Variants in KCNV1 observed in about 807,000 individuals in gnomAD.
KCNV1 encodes the protein potassium voltage-gated channel subfamily V member 1.
Under a neutral mutation model 36.4 loss-of-function variants are expected in KCNV1, and 2 were observed. The ratio of observed to expected loss-of-function variants is 0.05; its 90% CI spans 0.02 to 0.17. The LOEUF (loss-of-function observed/expected upper bound fraction) is 0.17, where lower values mean the gene tolerates loss of function less well. Among genes scored for constraint, KCNV1 ranks in the 10% least tolerant of loss-of-function variants. The probability of loss-of-function intolerance (pLI) is 1.00; values close to 1 mark genes in which losing one functional copy is unlikely to be tolerated. For missense variants in KCNV1, 321 were observed against 643.6 expected (o/e 0.50, Z 5.42); for synonymous variants, 280 against 261.1 (o/e 1.07, Z -0.70).
intron 3 of KCNV1, among the ~76,000 whole-genome samples, chr8:109,971,939 C>A (rs895053854): frequency 6.6e-6 from 1 of 152,084 alleles, no homozygotes; most frequent in East Asian, 1.9e-4. Context: ...TTGTCCAGAA[C>A]CTTGAATAGG....
At position 109,974,518 on chromosome 8, in the gene KCNV1, T is replaced by C; in HGVS notation, c.-130A>G. 1 of 662,812 alleles carries C rather than the reference T, an allele frequency of 1.5e-6. No homozygotes were observed. Among genetic ancestry groups the C allele is most frequent in the East Asian group, 2.8e-5 (1 of 36,100 alleles). 41.1% of individuals were successfully genotyped at this position (662,812 alleles called of 1,614,324 possible). On this transcript the variant is annotated 5_prime_UTR_variant, in exon 2 of 4. Coordinates refer to ENST00000524391, the MANE Select transcript of KCNV1 (RefSeq NM_014379.4). This position sits in a 1 kb window ranked among gnomAD's most constrained non-coding sequence, Gnocchi z 6.2. ...TCCCCGGGCTCCCGAAGGGGTTACCTCTCCTTGGCGCACCCTCTCCACCCG... is the reference window on the plus strand; with the variant it reads ...TCCCCGGGCTCCCGAAGGGGTTACCCCTCCTTGGCGCACCCTCTCCACCCG...
Position 109,968,516 on chromosome 8 carries a change from T to C in KCNV1, c.1075A>G (p.Ile359Val). The C allele has an allele frequency of 1.2e-6, 2 of 1,612,172 alleles. No homozygotes were observed. The highest frequency in any genetic ancestry group is 1.7e-6 in the Non-Finnish European group (2 of 1,178,318). Reference protein sequence around the residue: ...LLLFLSVGISIFSTVEYFAEQ... With the variant: ...LLLFLSVGISVFSTVEYFAEQ... ...GCAAAGTATTCTACAGTTGAAAATATAGAGATTCCCACGGATAGAAATAGG... is the reference window on the plus strand; with the variant it reads ...GCAAAGTATTCTACAGTTGAAAATACAGAGATTCCCACGGATAGAAATAGG... Residue 359 changes from isoleucine to valine, a missense_variant, in exon 4 of 4, where the codon ATA (isoleucine) becomes GTA (valine). Physicochemically the swap from Ile to Val is conservative, Grantham distance 29. This residue lies in a region of KCNV1 where 36 missense variants were observed against 130.5 expected (regional missense o/e 0.28). Transcript: ENST00000524391. This position sits in a 1 kb window ranked among gnomAD's most constrained non-coding sequence, Gnocchi z 5.3.
chr8:109,973,876 T>C, intron 2 of KCNV1, 52 bp downstream of exon 2: 1 of 1,288,328 alleles, frequency 7.8e-7, no homozygotes, highest in Non-Finnish European at 1.0e-6. Context: ...CCTTCCTCTC[T>C]TTCTCTGCCG....
intron 2 of KCNV1, among the ~76,000 whole-genome samples, chr8:109,973,485 A>G (rs1182399093): frequency 1.3e-5 from 2 of 152,170 alleles, no homozygotes; most frequent in African/African-American, 4.8e-5. Context: ...CAATCATTCA[A>G]TCAAGGGACC....
rs184605815 is a variant in KCNV1, at chr8:109,964,041, C to A, written c.*4047G>T. The A allele has an allele frequency of 1.8e-4, 28 of 151,984 alleles. No individual in the cohort carries two copies. The highest frequency in any genetic ancestry group is 5.8e-4 in the African/African-American group (24 of 41,482). 9.4% of individuals were successfully genotyped at this position (151,984 alleles called of 1,614,324 possible). On this transcript the variant is annotated 3_prime_UTR_variant, in exon 4 of 4. Coordinates refer to ENST00000524391, the MANE Select transcript of KCNV1 (RefSeq NM_014379.4). Reference sequence around the variant, plus strand: ...CTAGAGCTTTGTCAGAGCAAAGGAACCTATCAACAGAGTGAACAGACAACC... The same window carrying A: ...CTAGAGCTTTGTCAGAGCAAAGGAAACTATCAACAGAGTGAACAGACAACC...
In KCNV1 at chr8:109,968,466, G is replaced by T. The variant is rs369718179; in HGVS notation, c.1125C>A (p.Thr375=). Residue 375 remains threonine, a synonymous_variant, in exon 4 of 4, where the codon ACC becomes ACA. Transcript: ENST00000524391. The surrounding 1 kb of genome is among the most constrained non-coding windows in gnomAD (Gnocchi z 5.3). ...YFAEQSIPDT[T]FTSVPCAWWW... ...ACCATGCACAAGGGACACTTGTGAAGGTTGTGTCAGGAATGCTTTGCTCAG... is the reference window on the plus strand; with the variant it reads ...ACCATGCACAAGGGACACTTGTGAATGTTGTGTCAGGAATGCTTTGCTCAG... 2 of 1,614,014 alleles carry T rather than the reference G, an allele frequency of 1.2e-6. No homozygotes were observed. Among genetic ancestry groups the T allele is most frequent in the Non-Finnish European group, 1.7e-6 (2 of 1,179,894 alleles).
Position 109,964,730 on chromosome 8 carries a change from C to G in KCNV1, c.*3358G>C, listed in dbSNP as rs920844408. Reference sequence around the variant, plus strand: ...GCTGGAGGCTATTATCCTTAGCAAACTAATGCAGGAAGAGAAAACCAAATA... The same window carrying G: ...GCTGGAGGCTATTATCCTTAGCAAAGTAATGCAGGAAGAGAAAACCAAATA... On this transcript the variant is annotated 3_prime_UTR_variant, in exon 4 of 4. Coordinates refer to ENST00000524391, the MANE Select transcript of KCNV1 (RefSeq NM_014379.4). The G allele has an allele frequency of 1.3e-5, 2 of 152,088 alleles. No individual in the cohort carries two copies. Among genetic ancestry groups the G allele is most frequent in the African/African-American group, 4.8e-5 (2 of 41,396 alleles). The allele number at this position is 152,088 out of a possible 1,614,324, so 9.4% of individuals were successfully genotyped here.
At position 109,972,049 on chromosome 8, in the gene KCNV1, A is replaced by G. The variant is rs1271320681; in HGVS notation, c.991+209T>C. Reference sequence around the variant, plus strand: ...GTCTCTCAACATTTCTCTTATGGAGAGGAGGTATGTGAGAGCTCATTTCTC... The same window carrying G: ...GTCTCTCAACATTTCTCTTATGGAGGGGAGGTATGTGAGAGCTCATTTCTC... On this transcript the variant is annotated intron_variant, in intron 3 of 3. Coordinates refer to ENST00000524391, the MANE Select transcript of KCNV1 (RefSeq NM_014379.4). This position sits in a 1 kb window ranked among gnomAD's most constrained non-coding sequence, Gnocchi z 5.2. Among the ~76,000 whole-genome samples the G allele has an allele frequency of 1.3e-5, 2 of 152,164 alleles. No individual in the cohort carries two copies. Among genetic ancestry groups the G allele is most frequent in the Non-Finnish European group, 2.9e-5 (2 of 68,022 alleles).
chr8:109,973,972 G>A lies in KCNV1; in HGVS notation c.417C>T (p.Tyr139=). 2 of 1,613,066 alleles carry A rather than the reference G, an allele frequency of 1.2e-6. No individual in the cohort carries two copies. The highest frequency in any genetic ancestry group is 1.7e-6 in the Non-Finnish European group (2 of 1,179,908). The change falls in exon 2 of 4, where the codon TAC becomes TAT. Residue 139 remains tyrosine (Y), a synonymous_variant. Transcript: ENST00000524391. ...CGATGCTGAGCTCATCGATGCCCCA[G>A]TACTGGATCTCCTGCAGGAAGGAGA... ...CALSFLQEIQ[Y]WGIDELSIDS...
At position 109,972,861 on chromosome 8, in the gene KCNV1, A is replaced by G; in HGVS notation, c.462-74T>C. On this transcript the variant is annotated intron_variant, in intron 2 of 3. Transcript: ENST00000524391. This position sits in a 1 kb window ranked among gnomAD's most constrained non-coding sequence, Gnocchi z 5.2. ...GAAGTATAAGATAATTAAACATGGC[A>G]GGGAGGTCAGACTTTTTCATTCAAC... The G allele has an allele frequency of 8.2e-7, 1 of 1,213,412 alleles. No homozygotes were observed. The highest frequency in any genetic ancestry group is 2.3e-5 in the Admixed American group (1 of 43,182). The allele number at this position is 1,213,412 out of a possible 1,614,324, so 75.2% of individuals were successfully genotyped here.
Position 109,972,765 on chromosome 8 carries a change from T to G in KCNV1, c.484A>C (p.Ser162Arg). 1 of 1,609,072 alleles carries G rather than the reference T, an allele frequency of 6.2e-7. No individual in the cohort carries two copies. ...TCCTTCTTGAAGTCTAAAGTTTCAC[T>G]CAGCTCTTTCCTTCTGAAGTATCTT... ...RDRYFRRKEL[S>R]ETLDFKKDTE... The change falls in exon 3 of 4, where the codon AGT becomes CGT. Residue 162 changes from serine (S) to arginine (R), a missense_variant. By Grantham distance (110) the Ser-to-Arg change is moderately radical. This residue lies in a region of KCNV1 where 141 missense variants were observed against 225.0 expected (regional missense o/e 0.63). Coordinates refer to ENST00000524391, the MANE Select transcript of KCNV1 (RefSeq NM_014379.4). This position sits in a 1 kb window ranked among gnomAD's most constrained non-coding sequence, Gnocchi z 5.2.
intron 3 of KCNV1, among the ~76,000 whole-genome samples, chr8:109,970,806 T>G (rs1253534739): frequency 6.6e-6 from 1 of 152,178 alleles, no homozygotes; most frequent in African/African-American, 2.4e-5. Flanking sequence ...TGGAAAAAAA[T>G]GTAGTTTTTA....
At chr8:109,973,047 G>A (rs568976659) in intron 2 of KCNV1, among the ~76,000 whole-genome samples, 1 of 149,342 alleles carries the variant, frequency 6.7e-6, no homozygotes, top group East Asian at 2.0e-4. Flanking sequence ...GAGTGATCTC[G>A]GCTTACTGTA....
intron 3 of KCNV1, among the ~76,000 whole-genome samples, chr8:109,971,827 T>C (rs1445590636): frequency 1.3e-5 from 2 of 152,290 alleles, no homozygotes; most frequent in Middle Eastern, 3.4e-3. Context: ...CCAAGGAGCA[T>C]ATGTGGCAAG....
chr8:109,968,417 T>C lies in KCNV1; in HGVS notation c.1174A>G (p.Thr392Ala). Residue 392 changes from threonine (T) to alanine (A), a missense_variant, in exon 4 of 4, where the codon ACT (threonine) becomes GCT (alanine). Physicochemically the swap from Thr to Ala is moderately conservative, Grantham distance 58 (BLOSUM62 0). Coordinates refer to ENST00000524391, the MANE Select transcript of KCNV1 (RefSeq NM_014379.4). The surrounding 1 kb of genome is among the most constrained non-coding windows in gnomAD (Gnocchi z 5.3). The part of the protein sequence containing the change: ...AWWWATTSMT[T>A]VGYGDIRPDT... ...GGTCTAATGTCCCCATATCCCACAG[T>C]AGTCATAGAGGTGGTGGCCCACCAC... The C allele has an allele frequency of 6.2e-7, 1 of 1,614,084 alleles. No individual in the cohort carries two copies.
In KCNV1 at chr8:109,972,312, C is replaced by G. The variant is rs1820021506; in HGVS notation, c.937G>C (p.Val313Leu). The G allele has an allele frequency of 6.2e-7, 1 of 1,613,758 alleles. No homozygotes were observed. The highest frequency in any genetic ancestry group is 8.5e-7 in the Non-Finnish European group (1 of 1,179,850). ...CGCAGAGCCCTGAGCAGCCTCAACACCTGGACAATGCGCCCCACGTTCTCC... is the reference window on the plus strand; with the variant it reads ...CGCAGAGCCCTGAGCAGCCTCAACAGCTGGACAATGCGCCCCACGTTCTCC... ...ELENVGRIVQ[V>L]LRLLRALRML... The change falls in exon 3 of 4, where the codon GTG (valine) becomes CTG (leucine). Residue 313 changes from valine to leucine, a missense_variant. Val to Leu is a conservative substitution (Grantham distance 32). This residue lies in a region of KCNV1 where 141 missense variants were observed against 225.0 expected (regional missense o/e 0.63). Transcript: ENST00000524391. The surrounding 1 kb of genome is among the most constrained non-coding windows in gnomAD (Gnocchi z 5.2).
At chr8:109,973,676 C>T (rs1820040353) in intron 2 of KCNV1, among the ~76,000 whole-genome samples, 2 of 152,078 alleles carry the variant, frequency 1.3e-5, no homozygotes, top group South Asian at 2.1e-4. Flanking sequence ...GCCTGAAGTC[C>T]CTTGCCTTAT....
rs906701650 is a variant in KCNV1 at position 109,967,189 on chromosome 8, A to G, written c.*899T>C. On this transcript the variant is annotated 3_prime_UTR_variant, in exon 4 of 4. Transcript: ENST00000524391. ...CAAGTTCATCCAGTGATGTCATTTA[A>G]CATATATTTCCCATTTTATGAAATA... 18 of 151,410 alleles carry G rather than the reference A, an allele frequency of 1.2e-4. No individual in the cohort carries two copies. The highest frequency in any genetic ancestry group is 3.7e-4 in the African/African-American group (15 of 40,704). 9.4% of individuals were successfully genotyped at this position (151,410 alleles called of 1,614,324 possible). A position where few individuals can be genotyped will look rare whatever the true frequency, so the allele number is the denominator to read the frequency against.
intron 3 of KCNV1, among the ~76,000 whole-genome samples, chr8:109,971,390 A>G (rs1315309548): frequency 6.6e-6 from 1 of 152,122 alleles, no homozygotes; most frequent in African/African-American, 2.4e-5. Flanking sequence ...AAGGAAACTC[A>G]TATACTCCAC....
Sources: gnomAD v4.1 joint callset for allele counts (sites outside exome capture counted in the v4.1 genomes callset) on GRCh38, gnomAD v4.1.1 for gene constraint, gnomAD v4.1.1 regional missense constraint, Gnocchi (gnomAD v3.1) non-coding constraint, MANE v1.5 for transcripts, NCBI Gene and HGNC (gene_info 2026-07-23, HGNC 2026-07-21) for gene names.